Variants in ZNF354B observed in about 807,000 individuals in gnomAD.
The protein encoded by ZNF354B is zinc finger protein 354B.
In ZNF354B, 10 loss-of-function variants were observed where a neutral mutation model predicts 12.9. The ratio of observed to expected loss-of-function variants is 0.77; its 90% CI spans 0.48 to 1.31. ZNF354B has a LOEUF of 1.31. Ranked by LOEUF, ZNF354B falls within the 40% of genes most tolerant of loss-of-function variation. ZNF354B has a pLI of 0.00. For missense variants in ZNF354B, 614 were observed against 711.7 expected, an observed-to-expected ratio of 0.86 and a Z score of 1.56; for synonymous variants, 260 against 243.7, an observed-to-expected ratio of 1.07 and a Z score of -0.62.
At chr5:178,872,006 A>G (rs1364276181) in intron 4 of ZNF354B, among the ~76,000 whole-genome samples, 3 of 152,254 alleles carry the variant, frequency 2.0e-5, no homozygotes, top group Non-Finnish European at 2.9e-5. Context: ...TTCCAAAACC[A>G]TAGTATAATA....
In ZNF354B at chr5:178,883,765, A is replaced by G. The variant is rs1435197646; in HGVS notation, c.1313A>G (p.Tyr438Cys). ...ATAATTCATACTGGAGAGAAATTGT[A>G]TAATTGTAATGAATGTGGTAAAGCC... ...HRIIHTGEKL[Y>C]NCNECGKALS... Residue 438 changes from tyrosine (Y) to cysteine (C), a missense_variant, in exon 5 of 5, where the codon TAT becomes TGT. Physicochemically the swap from Tyr to Cys is radical, Grantham distance 194. Coordinates refer to ENST00000322434, the MANE Select transcript of ZNF354B (RefSeq NM_058230.3). 9.3e-6 allele frequency: 15 copies of G among 1,614,076 alleles called. No homozygotes were observed. Among genetic ancestry groups the G allele is most frequent in the South Asian group, 2.2e-5 (2 of 91,084 alleles).
rs530482815 is a variant in ZNF354B at position 178,866,258 on chromosome 5, C to G, written c.48C>G (p.Phe16Leu). The change falls in exon 3 of 5, where the codon TTC becomes TTG. Residue 16 changes from phenylalanine to leucine, a missense_variant. Transcript: ENST00000322434. ...TGTCCTTACAGGTGTCACTGACATTCGAGGACGTGGCTGTGCTCTTTACCT... is the reference window on the plus strand; with the variant it reads ...TGTCCTTACAGGTGTCACTGACATTGGAGGACGTGGCTGTGCTCTTTACCT... ...REARPQVSLTFEDVAVLFTWD... is the reference protein window; with the variant it reads ...REARPQVSLTLEDVAVLFTWD... 1.2e-6 allele frequency: 2 copies of G among 1,608,002 alleles called. No individual in the cohort carries two copies. Among genetic ancestry groups the G allele is most frequent in the Non-Finnish European group, 1.7e-6 (2 of 1,175,628 alleles).
chr5:178,875,053 T>A (rs574537631), intron 4 of ZNF354B, among the ~76,000 whole-genome samples: 131 of 152,330 alleles, frequency 8.6e-4, no homozygotes, highest in African/African-American at 2.9e-3. Context: ...TTAAGTGTTA[T>A]GGCCAGTAGG....
intron 4 of ZNF354B, among the ~76,000 whole-genome samples, chr5:178,868,425 A>G (rs1487041869): frequency 6.7e-6 from 1 of 149,658 alleles, no homozygotes; most frequent in African/African-American, 2.5e-5. Context: ...TCAAGGTTGA[A>G]CCCTCGCCCA....
chr5:178,865,056 T>G (rs940940951), intron 2 of ZNF354B, among the ~76,000 whole-genome samples: 11 of 152,218 alleles, frequency 7.2e-5, no homozygotes, highest in Non-Finnish European at 1.5e-4. Flanking sequence ...TTGCCTAATA[T>G]TTGTTTGTAT....
chr5:178,869,888 T>C (rs1358839442), intron 4 of ZNF354B, among the ~76,000 whole-genome samples: 1 of 152,194 alleles, frequency 6.6e-6, no homozygotes, highest in Non-Finnish European at 1.5e-5. Flanking sequence ...GGGGCTCCTG[T>C]CTGCCTGGAC....
Position 178,883,802 on chromosome 5 carries a change from C to T in ZNF354B, c.1350C>T (p.His450=). 5 of 1,614,130 alleles carry T rather than the reference C, an allele frequency of 3.1e-6. No individual in the cohort carries two copies. Among genetic ancestry groups the T allele is most frequent in the Non-Finnish European group, 4.2e-6 (5 of 1,180,008 alleles). ...AATGTGGTAAAGCCTTAAGCTCCCA[C>T]TCAACACTTATTATTCATGAGCGAA... ...CNECGKALSS[H]STLIIHERIH... The change falls in exon 5 of 5, where the codon CAC becomes CAT. Residue 450 remains histidine (H), a synonymous_variant. Coordinates refer to ENST00000322434, the MANE Select transcript of ZNF354B (RefSeq NM_058230.3).
chr5:178,865,129 G>T (rs1040438525), intron 2 of ZNF354B, among the ~76,000 whole-genome samples: 2 of 152,118 alleles, frequency 1.3e-5, no homozygotes, highest in Non-Finnish European at 2.9e-5. Flanking sequence ...TAAGTGCATT[G>T]TGCAGATGAA....
chr5:178,867,317 A>G (rs1428563734), intron 4 of ZNF354B, among the ~76,000 whole-genome samples: 4 of 152,178 alleles, frequency 2.6e-5, no homozygotes, highest in Non-Finnish European at 4.4e-5. Flanking sequence ...GCATGTATTC[A>G]TTCAGCAAAC....
At chr5:178,876,149 C>T (rs1195691339) in intron 4 of ZNF354B, among the ~76,000 whole-genome samples, 5 of 152,228 alleles carry the variant, frequency 3.3e-5, no homozygotes, top group Non-Finnish European at 7.3e-5. Flanking sequence ...TGGGTTCTCT[C>T]TCAGATTTCC....
rs866627038 is a variant in ZNF354B, at chr5:178,875,904, C to G, written c.257-6805C>G. Among the ~76,000 whole-genome samples the G allele has an allele frequency of 1.4e-4, 22 of 152,120 alleles. 1 individual carries two copies. Among genetic ancestry groups the G allele is most frequent in the South Asian group, 6.2e-4 (3 of 4,832 alleles). ...TCCTTCCTCAGGGAAGACAGAGCCA[C>G]TACCAGTGGGAATGCTCAGCCAGGG... is the stretch of plus-strand genomic sequence containing the variant. On this transcript the variant is annotated intron_variant, in intron 4 of 4. Coordinates refer to ENST00000322434, the MANE Select transcript of ZNF354B (RefSeq NM_058230.3).
chr5:178,872,138 G>A (rs1430977926), intron 4 of ZNF354B, among the ~76,000 whole-genome samples: 1 of 152,090 alleles, frequency 6.6e-6, no homozygotes, highest in Non-Finnish European at 1.5e-5. Flanking sequence ...CACTGCCCCT[G>A]TTCCCTGCCT....
Position 178,867,024 on chromosome 5 carries a change from A to T in ZNF354B, c.209A>T (p.Glu70Val). The T allele has an allele frequency of 1.9e-6, 3 of 1,613,942 alleles. No homozygotes were observed. The highest frequency in any genetic ancestry group is 2.5e-6 in the Non-Finnish European group (3 of 1,179,966). Reference protein sequence around the residue: ...PKVISLLQQGEDPWEVEKDSS... With the variant: ...PKVISLLQQGVDPWEVEKDSS... ...GTCATCTCCCTGTTGCAGCAAGGAG[A>T]AGATCCCTGGGAGGTGGAGAAAGAC... Residue 70 changes from glutamate (E) to valine (V), a missense_variant, in exon 4 of 5, where the codon GAA becomes GTA. Coordinates refer to ENST00000322434, the MANE Select transcript of ZNF354B (RefSeq NM_058230.3).
intron 2 of ZNF354B, among the ~76,000 whole-genome samples, chr5:178,864,173 G>A (rs1475433020): frequency 2.0e-5 from 3 of 152,180 alleles, no homozygotes; most frequent in Non-Finnish European, 2.9e-5. Flanking sequence ...TCAGCCAGGC[G>A]ACTTCCAGTC....
At chr5:178,866,930 C>G (rs768999166) in intron 3 of ZNF354B, 46 bp from the exon 4 acceptor site, 2 of 1,586,570 alleles carry the variant, frequency 1.3e-6, no homozygotes, top group Non-Finnish European at 1.7e-6. Flanking sequence ...TTTGTTGTGT[C>G]AAAACGAAGA....
intron 4 of ZNF354B, among the ~76,000 whole-genome samples, chr5:178,870,945 C>A (rs1757553506): frequency 6.6e-6 from 1 of 152,182 alleles, no homozygotes; most frequent in Non-Finnish European, 1.5e-5. Flanking sequence ...TAGGCCTGAA[C>A]CACCGCACCT....
At chr5:178,866,178 C>T (rs1757449229) in intron 2 of ZNF354B, 66 bp from the exon 3 acceptor site, 1 of 1,587,692 alleles carries the variant, frequency 6.3e-7, no homozygotes, top group East Asian at 2.2e-5. Context: ...GCGTGTCTTC[C>T]CCACTGCCGC....
chr5:178,882,686 G>T lies in ZNF354B; in HGVS notation c.257-23G>T, dbSNP rs749956892. 5.2e-6 allele frequency: 8 copies of T among 1,527,712 alleles called. No individual in the cohort carries two copies. The Admixed American group carries it at 1.9e-4, about 37-fold the overall frequency. The allele number at this position is 1,527,712 out of a possible 1,614,324, so 94.6% of individuals were successfully genotyped here. ...CCAATCACATGAATCATGGGCTGTTGCTTTCTTTTTTTCTTTTTTCAGGAT... is the reference window on the plus strand; with the variant it reads ...CCAATCACATGAATCATGGGCTGTTTCTTTCTTTTTTTCTTTTTTCAGGAT... On this transcript the variant is annotated intron_variant, in intron 4 of 4. Transcript: ENST00000322434.
intron 4 of ZNF354B, among the ~76,000 whole-genome samples, chr5:178,880,502 CTT>C (rs567348591): frequency 3.9e-4 from 54 of 138,296 alleles, no homozygotes; most frequent in Admixed American, 5.1e-4. Context: ...CCGGCCTCCT[CTT>C]TTTTTTTTTT....
Sources: allele counts gnomAD v4.1 joint callset (sites outside exome capture counted in the v4.1 genomes callset), GRCh38; gene constraint gnomAD v4.1.1; transcripts MANE v1.5; gene names NCBI Gene and HGNC (gene_info 2026-07-23, HGNC 2026-07-21).